REDIC1: variants seen among roughly 807,000 people sequenced by gnomAD.
The protein encoded by REDIC1 is HEI10 Interacting Protein 1.
chr12:39,817,033 G>T, the REDIC1 span, among the ~76,000 whole-genome samples: 1 of 151,170 alleles, frequency 6.6e-6, no homozygotes, highest in Admixed American at 6.6e-5. Context: ...CAAATGCCTT[G>T]AGGGAAAAAA....
At chr12:39,683,765 C>T in the REDIC1 span, among the ~76,000 whole-genome samples, 1 of 151,168 alleles carries the variant, frequency 6.6e-6, no homozygotes, top group African/African-American at 2.4e-5. Context: ...CTCATATCCG[C>T]CAGAATGTCA....
chr12:39,712,848 T>C, the REDIC1 span, among the ~76,000 whole-genome samples: 1 of 93,408 alleles, frequency 1.1e-5, no homozygotes, highest in Non-Finnish European at 2.6e-5. Context: ...TACACGTATA[T>C]ACACATATGT....
chr12:39,700,511 CGCAGGATATTATCCA>C, the REDIC1 span, among the ~76,000 whole-genome samples: 1 of 152,164 alleles, frequency 6.6e-6, no homozygotes, highest in East Asian at 1.9e-4. Flanking sequence ...GAAAACACTC[CGCAGGATATTATCCA>C]GCAGAACTTC....
the REDIC1 span, among the ~76,000 whole-genome samples, chr12:39,627,184 A>G: frequency 6.6e-6 from 1 of 152,222 alleles, no homozygotes; most frequent in Non-Finnish European, 1.5e-5. Flanking sequence ...CAGCTTTTGT[A>G]TTCACTAAGT....
chr12:39,806,447 G>A, the REDIC1 span, among the ~76,000 whole-genome samples: 1 of 152,096 alleles, frequency 6.6e-6, no homozygotes, highest in Non-Finnish European at 1.5e-5. Flanking sequence ...AAATGCTACA[G>A]GATATATATT....
the REDIC1 span, among the ~76,000 whole-genome samples, chr12:39,740,683 G>T: frequency 6.6e-6 from 1 of 152,150 alleles, no homozygotes; most frequent in Non-Finnish European, 1.5e-5. Flanking sequence ...AATATAGTGA[G>T]GAAGAAAGAA....
chr12:39,879,420 G>A, the REDIC1 span, among the ~76,000 whole-genome samples: 2 of 152,092 alleles, frequency 1.3e-5, no homozygotes, highest in African/African-American at 4.8e-5. Flanking sequence ...CAGCCCTGGG[G>A]ACTGAACCCT....
chr12:39,766,774 C>T, the REDIC1 span, among the ~76,000 whole-genome samples: 3 of 152,076 alleles, frequency 2.0e-5, no homozygotes, highest in Admixed American at 2.0e-4. Context: ...TCAGAAACTA[C>T]TTTCTTTGTT....
the REDIC1 span, among the ~76,000 whole-genome samples, chr12:39,836,424 G>A: frequency 2.6e-5 from 4 of 151,994 alleles, no homozygotes; most frequent in South Asian, 2.1e-4. Context: ...GGAGAAAATC[G>A]GCATAAGACA....
chr12:39,730,272 T>G, the REDIC1 span, among the ~76,000 whole-genome samples: 1 of 152,300 alleles, frequency 6.6e-6, no homozygotes, highest in East Asian at 1.9e-4. Context: ...TACAATTTAG[T>G]ACATTTTTGC....
At chr12:39,691,819 T>C in the REDIC1 span, among the ~76,000 whole-genome samples, 21 of 152,294 alleles carry the variant, frequency 1.4e-4, no homozygotes, top group East Asian at 3.8e-3. Flanking sequence ...CAGTAATTCA[T>C]TTCTTGGCAA....
At chr12:39,711,626 C>CATGCATGT in the REDIC1 span, among the ~76,000 whole-genome samples, 221 of 52,104 alleles carry the variant, frequency 4.2e-3, 8 homozygotes, top group African/African-American at 8.7e-3. Context: ...TGTGTATACA[C>CATGCATGT]GTATGTGTAT....
At chr12:39,777,704 G>A in the REDIC1 span, among the ~76,000 whole-genome samples, 33 of 152,286 alleles carry the variant, frequency 2.2e-4, no homozygotes, top group African/African-American at 6.5e-4. Context: ...GTGGCTGGCC[G>A]TCGAGAGGAA....
chr12:39,899,824 G>C, the REDIC1 span, among the ~76,000 whole-genome samples: 1 of 152,140 alleles, frequency 6.6e-6, no homozygotes, highest in South Asian at 2.1e-4. Flanking sequence ...GCTCTAGTTT[G>C]ATTGCACTGT....
At chr12:39,629,126 G>A in the REDIC1 span, among the ~76,000 whole-genome samples, 2 of 152,148 alleles carry the variant, frequency 1.3e-5, no homozygotes, top group African/African-American at 4.8e-5. Flanking sequence ...AGCACCAAAG[G>A]GAAACAATCG....
chr12:39,628,850 T>TA, the REDIC1 span, among the ~76,000 whole-genome samples: 2 of 152,206 alleles, frequency 1.3e-5, no homozygotes, highest in Non-Finnish European at 2.9e-5. Flanking sequence ...ATGATTTATA[T>TA]ACAAATATTA....
the REDIC1 span, among the ~76,000 whole-genome samples, chr12:39,667,279 T>C: frequency 1.3e-5 from 2 of 152,224 alleles, no homozygotes. Flanking sequence ...TTTGTTCTCA[T>C]TGGTTTCAAA....
At chr12:39,721,220 CT>C in the REDIC1 span, 3 of 1,613,192 alleles carry the variant, frequency 1.9e-6, no homozygotes, top group South Asian at 3.3e-5. Context: ...GCAGATACCA[CT>C]GGAGGGCAGG....
the REDIC1 span, among the ~76,000 whole-genome samples, chr12:39,893,328 C>A: frequency 2.0e-5 from 3 of 152,176 alleles, no homozygotes; most frequent in African/African-American, 7.2e-5. Flanking sequence ...GAGATGGAGT[C>A]TCACTCTGTC....
Sources: allele counts gnomAD v4.1 joint callset (sites outside exome capture counted in the v4.1 genomes callset), GRCh38; gene constraint gnomAD v4.1.1; transcripts MANE v1.5; gene names NCBI Gene and HGNC (gene_info 2026-07-23, HGNC 2026-07-21).